The following ELSPBP1 variants were observed in gnomAD, a reference collection of about 807,000 sequenced individuals.
ELSPBP1 encodes the protein epididymal sperm-binding protein 1.
A neutral mutation model predicts 33.3 loss-of-function variants in ELSPBP1; 38 were observed. That is an observed-to-expected ratio of 1.14 (90% CI 0.88 to 1.50). The LOEUF (loss-of-function observed/expected upper bound fraction) is 1.50, where lower values mean the gene tolerates loss of function less well. Among genes scored for constraint, ELSPBP1 ranks in the 40% most tolerant of loss-of-function variants. The pLI is 0.00. For synonymous variants in ELSPBP1, 85 were observed against 94.1 expected, an observed-to-expected ratio of 0.90 and a Z score of 0.56; for missense variants, 267 against 263.5, an observed-to-expected ratio of 1.01 and a Z score of -0.09.
chr19:47,998,938 G>A (rs1679856038), intron 1 of ELSPBP1, among the ~76,000 whole-genome samples: 1 of 152,204 alleles, frequency 6.6e-6, no homozygotes, highest in South Asian at 2.1e-4. Flanking sequence ...GCGCATGCGG[G>A]AGGCCCACCC....
Position 48,011,655 on chromosome 19 carries a change from A to G in ELSPBP1, c.71-2516A>G, listed in dbSNP as rs1036259344. Among the ~76,000 whole-genome samples, 1 of 151,938 alleles carries G rather than the reference A, an allele frequency of 6.6e-6. No homozygotes were observed. The highest frequency in any genetic ancestry group is 2.4e-5 in the African/African-American group (1 of 41,350). On this transcript the variant is annotated intron_variant, in intron 2 of 6. Coordinates refer to ENST00000339841, the MANE Select transcript of ELSPBP1 (RefSeq NM_022142.5). This position sits in a 1 kb window ranked among gnomAD's most constrained non-coding sequence, Gnocchi z 4.5. Reference sequence around the variant, plus strand: ...GATGATGATCATCATCCTGATGACAATGACAATAATGAGACTGATGATGGT... The same window carrying G: ...GATGATGATCATCATCCTGATGACAGTGACAATAATGAGACTGATGATGGT...
rs571998717 is a variant in ELSPBP1 at position 48,016,548 on chromosome 19, C to T, written c.355+509C>T. ...TCTTTCTTCCTTCCTTCCTTCCTTCCTTCCTTCCTTCCTTCCTTCCTCCCT... is the reference window on the plus strand; with the variant it reads ...TCTTTCTTCCTTCCTTCCTTCCTTCTTTCCTTCCTTCCTTCCTTCCTCCCT... On this transcript the variant is annotated intron_variant, in intron 4 of 6. Coordinates refer to ENST00000339841, the MANE Select transcript of ELSPBP1 (RefSeq NM_022142.5). Among the ~76,000 whole-genome samples the T allele has an allele frequency of 5.3e-5, 7 of 131,874 alleles. No individual in the cohort carries two copies. The East Asian group carries it at 1.3e-3, about 24-fold the overall frequency. 86.5% of individuals were successfully genotyped at this position (131,874 alleles called of 152,430 possible). A position where few individuals can be genotyped will look rare whatever the true frequency, so the allele number is the denominator to read the frequency against.
chr19:48,005,561 G>A (rs1967009615), intron 1 of ELSPBP1, among the ~76,000 whole-genome samples: 1 of 152,210 alleles, frequency 6.6e-6, no homozygotes, highest in Non-Finnish European at 1.5e-5. Context: ...GCCAAAGCTT[G>A]GAATTTGAGA....
chr19:48,021,339 G>T (rs1434616347), intron 5 of ELSPBP1, among the ~76,000 whole-genome samples: 2 of 151,268 alleles, frequency 1.3e-5, no homozygotes, highest in East Asian at 3.9e-4. Context: ...CTTAGGTTTA[G>T]GTCGGCATTC....
chr19:48,004,160 T>C (rs1045257945), intron 1 of ELSPBP1, among the ~76,000 whole-genome samples: 1 of 151,920 alleles, frequency 6.6e-6, no homozygotes, highest in Non-Finnish European at 1.5e-5. Context: ...ACCAGGCTGG[T>C]CATGAACTCC....
chr19:48,022,953 A>G (rs370753444), intron 6 of ELSPBP1, among the ~76,000 whole-genome samples: 7 of 152,044 alleles, frequency 4.6e-5, no homozygotes, highest in Admixed American at 2.6e-4. Context: ...CAGGAGGCTG[A>G]GGTCAGAGGA....
At chr19:48,014,107 G>A (rs903922051) in intron 2 of ELSPBP1, 64 bp from the exon 3 acceptor site, 2 of 1,574,636 alleles carry the variant, frequency 1.3e-6, no homozygotes, top group African/African-American at 2.7e-5. Flanking sequence ...GCCAAACCAA[G>A]ACTCATCCTT....
intron 2 of ELSPBP1, among the ~76,000 whole-genome samples, chr19:48,009,136 CAAA>C (rs59636614): frequency 1.5e-3 from 210 of 136,362 alleles, no homozygotes; most frequent in East Asian, 4.0e-3. Flanking sequence ...AACTCCCTCT[CAAA>C]AAAAAAAAAA....
intron 1 of ELSPBP1, among the ~76,000 whole-genome samples, chr19:48,001,268 T>A (rs1236611231): frequency 1.3e-5 from 2 of 151,912 alleles, no homozygotes; most frequent in African/African-American, 2.4e-5. Context: ...ACTCCCTGGT[T>A]CAAGAGATTC....
intron 2 of ELSPBP1, 128 bp from the exon 3 acceptor site, chr19:48,014,043 T>G: frequency 9.1e-7 from 1 of 1,100,442 alleles, no homozygotes; most frequent in South Asian, 1.5e-5. Context: ...TTTTAACATA[T>G]GAATTTTGCG....
intron 1 of ELSPBP1, among the ~76,000 whole-genome samples, chr19:48,003,703 A>ATTT (rs35103928): frequency 1.4e-3 from 192 of 141,714 alleles, no homozygotes; most frequent in Middle Eastern, 3.6e-3. Flanking sequence ...CGCCCAGCTA[A>ATTT]TTTTTTTTTT....
intron 3 of ELSPBP1, among the ~76,000 whole-genome samples, chr19:48,015,616 C>T (rs960057226): frequency 6.6e-6 from 1 of 152,090 alleles, no homozygotes; most frequent in Non-Finnish European, 1.5e-5. Flanking sequence ...CAAGATCTCG[C>T]TATTGCACTC....
At chr19:48,006,621 C>CAAAAAAAAAAAAAAAAA (rs1190341508) in intron 1 of ELSPBP1, among the ~76,000 whole-genome samples, 1 of 20,886 alleles carries the variant, frequency 4.8e-5, no homozygotes, top group Non-Finnish European at 1.0e-4. Context: ...GACCCTGTCT[C>CAAAAAAAAAAAAAAAAA]AAAAAAAAAA....
At chr19:47,999,150 A>T (rs1966941944) in intron 1 of ELSPBP1, among the ~76,000 whole-genome samples, 1 of 152,154 alleles carries the variant, frequency 6.6e-6, no homozygotes, top group African/African-American at 2.4e-5. Context: ...ACCAAAGGAG[A>T]CATCTGTCAG....
chr19:48,006,439 C>T (rs1967017888), intron 1 of ELSPBP1, among the ~76,000 whole-genome samples: 1 of 151,704 alleles, frequency 6.6e-6, no homozygotes, highest in African/African-American at 2.4e-5. Context: ...CGTGGTGAAA[C>T]CCTGTCTCTA....
chr19:48,022,521 G>T (rs745903637), intron 6 of ELSPBP1, 187 bp downstream of exon 6: 1 of 459,802 alleles, frequency 2.2e-6, no homozygotes, highest in African/African-American at 2.0e-5. Flanking sequence ...AGCAATGCGG[G>T]CTCCTGTTGT....
chr19:47,998,786 C>CAAAAA (rs34853595), intron 1 of ELSPBP1, among the ~76,000 whole-genome samples: 2 of 110,980 alleles, frequency 1.8e-5, no homozygotes, highest in Non-Finnish European at 3.7e-5. Context: ...GACTCCGTCT[C>CAAAAA]AAAAAAAAAA....
chr19:48,019,606 C>A (rs1967176792), intron 4 of ELSPBP1, 113 bp from the exon 5 acceptor site: 2 of 1,013,310 alleles, frequency 2.0e-6, no homozygotes, highest in Non-Finnish European at 2.9e-6. Flanking sequence ...CTTGGAGAAT[C>A]CAATGTGACG....
At position 48,008,706 on chromosome 19, in the gene ELSPBP1, C is replaced by T. The variant is rs763950451; in HGVS notation, c.39C>T (p.Thr13=). The T allele has an allele frequency of 6.2e-7, 1 of 1,613,864 alleles. No individual in the cohort carries two copies. The highest frequency in any genetic ancestry group is 1.7e-5 in the Admixed American group (1 of 59,996). Residue 13 remains threonine (T), a synonymous_variant, in exon 2 of 7, where the codon ACC becomes ACT. Coordinates refer to ENST00000339841, the MANE Select transcript of ELSPBP1 (RefSeq NM_022142.5). ...CCAGTTACCTGTTGGGATGGACAAC[C>T]TTCCTTCTCTATTCCTATGAGTCAA... is the stretch of plus-strand genomic sequence containing the variant. The part of the protein sequence containing the change: ...RWSSYLLGWT[T]FLLYSYESSG...
Sources: allele counts gnomAD v4.1 joint callset (sites outside exome capture counted in the v4.1 genomes callset), GRCh38; gene constraint gnomAD v4.1.1; non-coding constraint Gnocchi (gnomAD v3.1); transcripts MANE v1.5; gene names NCBI Gene and HGNC (gene_info 2026-07-23, HGNC 2026-07-21).